Variants in CFAP99 observed in about 807,000 individuals in gnomAD.
The protein encoded by CFAP99 is cilia- and flagella-associated protein 99.
A neutral mutation model predicts 82.7 loss-of-function variants in CFAP99; 84 were observed. The ratio of observed to expected loss-of-function variants is 1.02; its 90% CI spans 0.85 to 1.22. CFAP99 has a LOEUF of 1.22. CFAP99 is among the 50% of genes most tolerant of loss of function. CFAP99 has a pLI of 0.00. For synonymous variants in CFAP99, 456 were observed against 429.5 expected, an observed-to-expected ratio of 1.06 and a Z score of -0.76; for missense variants, 1,059 against 983.5, an observed-to-expected ratio of 1.08 and a Z score of -1.03.
intron 3 of CFAP99, 118 bp from the exon 4 acceptor site, chr4:2,437,952 G>A: frequency 1.6e-6 from 1 of 622,982 alleles, no homozygotes; most frequent in Non-Finnish European, 2.9e-6. Flanking sequence ...CACCAATAGG[G>A]TGGGGGTTTT....
At chr4:2,441,705 C>T (rs566504883) in intron 4 of CFAP99, among the ~76,000 whole-genome samples, 3 of 152,234 alleles carry the variant, frequency 2.0e-5, no homozygotes, top group Non-Finnish European at 4.4e-5. Context: ...ACACCCCATG[C>T]CCCGCTGGGC....
At chr4:2,420,573 C>T (rs571140790) in intron 1 of CFAP99, among the ~76,000 whole-genome samples, 6 of 152,256 alleles carry the variant, frequency 3.9e-5, no homozygotes, top group East Asian at 1.9e-4. Context: ...AGGCTCCCTT[C>T]CTGTGTTTTA....
At position 2,427,055 on chromosome 4, in the gene CFAP99, C is replaced by A. The variant is rs1225374312; in HGVS notation, c.111+469C>A. 2.2e-5 allele frequency: 4 copies of A among 180,316 alleles called. No individual in the cohort carries two copies. The East Asian group carries it at 4.2e-4, about 19-fold the overall frequency. The allele number at this position is 180,316 out of a possible 1,614,324, so 11.2% of individuals were successfully genotyped here. ...GGTCTCCGACAGAGGCAGGGGCTGG[C>A]CTGGGCAGTGAGGCTCCCGGGGAGC... On this transcript the variant is annotated intron_variant, in intron 2 of 14. Transcript: ENST00000635017.
chr4:2,441,196 C>G, intron 4 of CFAP99, among the ~76,000 whole-genome samples: 1 of 151,632 alleles, frequency 6.6e-6, no homozygotes, highest in East Asian at 1.9e-4. Flanking sequence ...CACGGTGAAA[C>G]CCCGTCTCTA....
At chr4:2,424,897 C>A (rs987791996) in intron 1 of CFAP99, among the ~76,000 whole-genome samples, 4 of 152,232 alleles carry the variant, frequency 2.6e-5, no homozygotes, top group Non-Finnish European at 5.9e-5. Flanking sequence ...CAGAAGACCG[C>A]ATCCTTCAGT....
Position 2,449,914 on chromosome 4 carries a change from C to T in CFAP99, c.724-20C>T, listed in dbSNP as rs1734261695. Reference sequence around the variant, plus strand: ...TGGGCAGAGGCTGGTGGGACTGGAGCCGCTGTGTCACTGTGGCAGGAGCTG... The same window carrying T: ...TGGGCAGAGGCTGGTGGGACTGGAGTCGCTGTGTCACTGTGGCAGGAGCTG... On this transcript the variant is annotated intron_variant, in intron 7 of 14. Transcript: ENST00000635017. 1 of 1,536,140 alleles carries T rather than the reference C, an allele frequency of 6.5e-7. No individual in the cohort carries two copies. The highest frequency in any genetic ancestry group is 8.7e-7 in the Non-Finnish European group (1 of 1,146,886).
intron 2 of CFAP99, among the ~76,000 whole-genome samples, chr4:2,429,453 G>A (rs1007113183): frequency 2.0e-5 from 3 of 152,322 alleles, no homozygotes; most frequent in African/African-American, 4.8e-5. Flanking sequence ...CTGGCACACC[G>A]ATCCTACCGG....
chr4:2,438,355 C>T (rs1202750320), intron 4 of CFAP99, among the ~76,000 whole-genome samples, 191 bp downstream of exon 4: 10 of 152,150 alleles, frequency 6.6e-5, no homozygotes, highest in Non-Finnish European at 8.8e-5. Context: ...CTCTGCCTCC[C>T]GGGTTCATAC....
In CFAP99 at chr4:2,421,639, G is replaced by A. The variant is rs58793868; in HGVS notation, c.-18+2546G>A. 7.6e-3 allele frequency among the ~76,000 whole-genome samples: 1,155 copies of A among 152,138 alleles called. 9 individuals carry two copies. Among genetic ancestry groups the A allele is most frequent in the African/African-American group, 0.022 (927 of 41,504 alleles). On this transcript the variant is annotated intron_variant, in intron 1 of 14. Transcript: ENST00000635017. ...GCTGGGATTACAGGCATGAGCCACC[G>A]CGCCCAGCCTAGTCCAGCCCACCTT...
chr4:2,431,995 T>C (rs758221987), intron 2 of CFAP99, among the ~76,000 whole-genome samples: 1 of 152,232 alleles, frequency 6.6e-6, no homozygotes, highest in Non-Finnish European at 1.5e-5. Flanking sequence ...GGAAACTGTG[T>C]TTGGATACAA....
chr4:2,444,530 T>C (rs1489261565), intron 5 of CFAP99, among the ~76,000 whole-genome samples: 1 of 152,172 alleles, frequency 6.6e-6, no homozygotes, highest in Admixed American at 6.5e-5. Context: ...AGGCTGATGA[T>C]GGTGGGCTGT....
chr4:2,458,648 C>T, intron 11 of CFAP99, 75 bp from the exon 12 acceptor site: 2 of 1,477,326 alleles, frequency 1.4e-6, no homozygotes, highest in Non-Finnish European at 1.8e-6. Context: ...TCATGCTGCG[C>T]CCTGGGCTGG....
At chr4:2,436,820 C>T in intron 2 of CFAP99, 54 bp from the exon 3 acceptor site, 2 of 1,490,804 alleles carry the variant, frequency 1.3e-6, no homozygotes, top group Non-Finnish European at 1.8e-6. Context: ...ACCCCCACCG[C>T]CGCCCTTTCC....
At chr4:2,459,063 C>T in intron 12 of CFAP99, 44 bp from the exon 13 acceptor site, 4 of 1,475,810 alleles carry the variant, frequency 2.7e-6, no homozygotes, top group South Asian at 1.3e-5. Flanking sequence ...CAGCCCCTGC[C>T]CTGCCACCCA....
chr4:2,459,396 G>A, intron 13 of CFAP99, 138 bp downstream of exon 13: 1 of 1,064,120 alleles, frequency 9.4e-7, no homozygotes, highest in Non-Finnish European at 1.3e-6. Context: ...CACCCTCCGT[G>A]ACTCAACACC....
intron 3 of CFAP99, among the ~76,000 whole-genome samples, chr4:2,437,769 C>T (rs1733949610): frequency 6.6e-6 from 1 of 152,218 alleles, no homozygotes; most frequent in South Asian, 2.1e-4. Flanking sequence ...GGTGACGATT[C>T]AGCTGCTCAG....
chr4:2,422,153 G>A (rs1353117732), intron 1 of CFAP99, among the ~76,000 whole-genome samples: 1 of 152,226 alleles, frequency 6.6e-6, no homozygotes, highest in Non-Finnish European at 1.5e-5. Flanking sequence ...TCCCCAAAGA[G>A]GTGATTGTTT....
At chr4:2,426,945 C>T (rs1001898387) in intron 2 of CFAP99, 7 of 268,608 alleles carry the variant, frequency 2.6e-5, no homozygotes, top group East Asian at 8.2e-5. Context: ...ATCCCCCAGG[C>T]GCCCCAGGGC....
chr4:2,435,025 GT>G (rs1272659339), intron 2 of CFAP99, among the ~76,000 whole-genome samples: 1 of 152,094 alleles, frequency 6.6e-6, no homozygotes, highest in Non-Finnish European at 1.5e-5. Context: ...GCTGGGTGGG[GT>G]GGCTCACACC....
Sources: gnomAD v4.1 joint callset for allele counts (sites outside exome capture counted in the v4.1 genomes callset) on GRCh38, gnomAD v4.1.1 for gene constraint, MANE v1.5 for transcripts, NCBI Gene and HGNC (gene_info 2026-07-23, HGNC 2026-07-21) for gene names.